The following SPOCK3 variants were observed in gnomAD, a reference collection of about 807,000 sequenced individuals.
SPOCK3 encodes the protein testican-3.
A neutral mutation model predicts 56.6 loss-of-function variants in SPOCK3; 30 were observed. The observed-to-expected ratio is 0.53, with a 90% CI of 0.40 to 0.72. The LOEUF is 0.72. Among genes scored for constraint, SPOCK3 ranks in the 30% least tolerant of loss-of-function variants. The pLI, the probability that SPOCK3 is intolerant of heterozygous loss-of-function variation, is 0.00. For missense variants in SPOCK3, 527 were observed against 530.0 expected, an observed-to-expected ratio of 0.99 and a Z score of 0.06; for synonymous variants, 196 against 183.3, an observed-to-expected ratio of 1.07 and a Z score of -0.56.
chr4:166,825,872 G>A (rs549707500), intron 6 of SPOCK3, among the ~76,000 whole-genome samples: 3 of 152,060 alleles, frequency 2.0e-5, no homozygotes, highest in South Asian at 2.1e-4. Context: ...ACAATAGAAC[G>A]GACTTTGAGG....
intron 2 of SPOCK3, among the ~76,000 whole-genome samples, chr4:167,201,971 T>C (rs1323595220): frequency 6.6e-6 from 1 of 151,998 alleles, no homozygotes; most frequent in Non-Finnish European, 1.5e-5. Flanking sequence ...TTCTTCACCT[T>C]TGTTCACCTT....
chr4:167,143,404 A>AT (rs772563514), intron 2 of SPOCK3, among the ~76,000 whole-genome samples: 1 of 151,976 alleles, frequency 6.6e-6, no homozygotes, highest in Non-Finnish European at 1.5e-5. Flanking sequence ...GTGTGATAAT[A>AT]TTTTTTATTA....
intron 2 of SPOCK3, among the ~76,000 whole-genome samples, chr4:167,089,360 CTTTAAA>C (rs1261457000): frequency 6.6e-6 from 1 of 152,042 alleles, no homozygotes; most frequent in Non-Finnish European, 1.5e-5. Context: ...CTATCTTACT[CTTTAAA>C]TTTAATTTTC....
intron 2 of SPOCK3, among the ~76,000 whole-genome samples, chr4:167,109,386 T>C (rs1219108809): frequency 0.049 from 1,290 of 26,264 alleles, 21 homozygotes; most frequent in East Asian, 0.13. Context: ...ATATAAAATA[T>C]ATAAATATAT....
chr4:167,072,822 T>C (rs1192328962), intron 2 of SPOCK3, among the ~76,000 whole-genome samples: 1 of 151,840 alleles, frequency 6.6e-6, no homozygotes, highest in Non-Finnish European at 1.5e-5. Context: ...ATGTACTATA[T>C]AGAAAAAATT....
chr4:166,908,310 A>ACC (rs1553999400), intron 5 of SPOCK3, among the ~76,000 whole-genome samples: 28 of 124,904 alleles, frequency 2.2e-4, no homozygotes, highest in East Asian at 4.6e-4. Context: ...ACACACACAC[A>ACC]CCCCTACCTT....
intron 4 of SPOCK3, among the ~76,000 whole-genome samples, chr4:166,948,864 T>C (rs1742130139): frequency 2.6e-5 from 4 of 152,052 alleles, no homozygotes; most frequent in African/African-American, 7.2e-5. Context: ...GCGTTCTCTG[T>C]ATTTCCTGAA....
chr4:166,771,115 G>A (rs563416532), intron 7 of SPOCK3, among the ~76,000 whole-genome samples: 5 of 149,910 alleles, frequency 3.3e-5, no homozygotes, highest in South Asian at 4.2e-4. Flanking sequence ...CACTATTCAA[G>A]AGCTCTCAAA....
chr4:167,047,249 G>A (rs1273549961), intron 3 of SPOCK3, among the ~76,000 whole-genome samples: 2 of 152,136 alleles, frequency 1.3e-5, no homozygotes, highest in Non-Finnish European at 2.9e-5. Context: ...AACATCTAAC[G>A]AGTATTTTAA....
At chr4:166,867,250 T>A (rs972029874) in intron 6 of SPOCK3, among the ~76,000 whole-genome samples, 3 of 152,002 alleles carry the variant, frequency 2.0e-5, no homozygotes, top group African/African-American at 7.2e-5. Flanking sequence ...ACAATAATAA[T>A]AACTATAAAG....
At chr4:166,752,552 GTATATATATA>G (rs36225376) in intron 8 of SPOCK3, among the ~76,000 whole-genome samples, 6 of 61,474 alleles carry the variant, frequency 9.8e-5, no homozygotes, top group Admixed American at 1.9e-4. Flanking sequence ...CTATATGTGT[GTATATATATA>G]TATATATATA....
At chr4:166,771,768 T>C (rs1423431867) in intron 7 of SPOCK3, among the ~76,000 whole-genome samples, 1 of 152,080 alleles carries the variant, frequency 6.6e-6, no homozygotes, top group African/African-American at 2.4e-5. Flanking sequence ...TAAATATACT[T>C]TTGTTTCACA....
chr4:167,162,010 T>G (rs1227742120), intron 2 of SPOCK3, among the ~76,000 whole-genome samples: 1 of 152,000 alleles, frequency 6.6e-6, no homozygotes, highest in East Asian at 1.9e-4. Flanking sequence ...CTGCACGTTG[T>G]GCACATGTAC....
At chr4:166,818,189 C>T (rs1579314463) in intron 6 of SPOCK3, among the ~76,000 whole-genome samples, 1 of 151,944 alleles carries the variant, frequency 6.6e-6, no homozygotes, top group East Asian at 1.9e-4. Flanking sequence ...CGGCTCATTC[C>T]TGTTGCTGTG....
rs367642751 is a variant in SPOCK3, at chr4:166,989,908, G to T, written c.350+10441C>A. Among the ~76,000 whole-genome samples the T allele has an allele frequency of 7.2e-5, 11 of 152,196 alleles. No individual in the cohort carries two copies. In the East Asian group the frequency reaches 9.6e-4, roughly 13 times the overall value. The stretch of plus-strand genomic sequence containing the variant: ...CTGGAAATAAATTTCATTATATCTT[G>T]TGATTATACCATCCCTTAGATCTCA... On this transcript the variant is annotated intron_variant, in intron 4 of 10. Transcript: ENST00000357545.
At chr4:167,004,052 A>C (rs1749217039) in intron 3 of SPOCK3, among the ~76,000 whole-genome samples, 1 of 152,130 alleles carries the variant, frequency 6.6e-6, no homozygotes, top group South Asian at 2.1e-4. Context: ...GATTCTTCCT[A>C]GTTTATGCTA....
intron 4 of SPOCK3, among the ~76,000 whole-genome samples, chr4:166,983,879 C>G (rs1746853830): frequency 6.6e-6 from 1 of 151,922 alleles, no homozygotes; most frequent in African/African-American, 2.4e-5. Context: ...CCATGTCTTA[C>G]AGATAGTAGG....
chr4:166,946,580 T>C (rs544911087), intron 4 of SPOCK3, among the ~76,000 whole-genome samples: 276 of 152,304 alleles, frequency 1.8e-3, no homozygotes, highest in African/African-American at 6.1e-3. Context: ...GGCTTAACTA[T>C]CACCTTCACA....
chr4:166,795,469 T>C (rs572394454), intron 6 of SPOCK3, among the ~76,000 whole-genome samples: 1 of 152,248 alleles, frequency 6.6e-6, no homozygotes, highest in African/African-American at 2.4e-5. Context: ...ACTTTACGTA[T>C]AAAACTTTTG....
Sources: allele counts gnomAD v4.1 joint callset (sites outside exome capture counted in the v4.1 genomes callset), GRCh38; gene constraint gnomAD v4.1.1; transcripts MANE v1.5; gene names NCBI Gene and HGNC (gene_info 2026-07-23, HGNC 2026-07-21).